Variants in CTXND2 observed in about 807,000 individuals in gnomAD.
CTXND2 encodes the protein cortexin domain containing 2.
chr1:150,904,090 G>A (rs587624994), intron 1 of CTXND2: 2 of 664,838 alleles, frequency 3.0e-6, no homozygotes, highest in African/African-American at 3.6e-5. Context: ...AGGATACGCT[G>A]ATGGAGTATT....
Position 150,899,053 on chromosome 1 carries a change from A to G in CTXND2, c.-74+11740A>G, listed in dbSNP as rs587747181. On this transcript the variant is annotated intron_variant, in intron 1 of 1. Transcript: ENST00000636087. ...GGGGAGCTTGCAGTGAGCTGAGATC[A>G]CGCCACTGCACTCCAGCCTGGGCGA... Among the ~76,000 whole-genome samples, 113 of 150,982 alleles carry G rather than the reference A, an allele frequency of 7.5e-4. 1 individual carries two copies. In the South Asian group the frequency reaches 0.022, roughly 30 times the overall value.
At chr1:150,900,799 C>A (rs1324153602) in intron 1 of CTXND2, among the ~76,000 whole-genome samples, 2 of 152,056 alleles carry the variant, frequency 1.3e-5, no homozygotes, top group Non-Finnish European at 2.9e-5. Context: ...AGACAAAATA[C>A]ATGAACAGAC....
chr1:150,911,748 T>C lies in CTXND2; in HGVS notation c.-73-494T>C, dbSNP rs587732914. On this transcript the variant is annotated intron_variant, in intron 1 of 1. Transcript: ENST00000636087. ...ATGCCCGGCCTGTAAGTTTTAATAA[T>C]TGAAATTGATCACTTCTGGGATATA... Among the ~76,000 whole-genome samples the C allele has an allele frequency of 1.9e-4, 29 of 152,290 alleles. No homozygotes were observed. In the South Asian group the frequency reaches 5.4e-3, roughly 28 times the overall value.
intron 1 of CTXND2, among the ~76,000 whole-genome samples, chr1:150,898,153 G>GTT (rs34573516): frequency 2.5e-3 from 365 of 147,886 alleles, no homozygotes; most frequent in East Asian, 4.7e-3. Context: ...TAGATGTGGG[G>GTT]TTTTTTTTTT....
intron 1 of CTXND2, among the ~76,000 whole-genome samples, chr1:150,891,488 C>T (rs1297514457): frequency 1.3e-5 from 2 of 152,232 alleles, no homozygotes; most frequent in East Asian, 3.8e-4. Flanking sequence ...GCTGGGATTA[C>T]AGGCGTGAGC....
rs1041223670 is a variant in CTXND2 at position 150,903,921 on chromosome 1, A to C, written c.-73-8321A>C. 6.2e-6 allele frequency: 4 copies of C among 643,378 alleles called. No homozygotes were observed. In the African/African-American group the frequency reaches 7.2e-5, roughly 12 times the overall value. 39.9% of individuals were successfully genotyped at this position (643,378 alleles called of 1,614,324 possible). ...ATGGGTGATGTTGAGAAAGGCAAGA[A>C]GATTTTTGTTCAGAAGTGTGCCCAG... On this transcript the variant is annotated intron_variant, in intron 1 of 1. Transcript: ENST00000636087.
chr1:150,887,416 G>C (rs922891621), intron 1 of CTXND2, 103 bp downstream of exon 1: 2 of 151,810 alleles, frequency 1.3e-5, no homozygotes, highest in Non-Finnish European at 2.9e-5. Flanking sequence ...TTGGGAAATC[G>C]TGGGGAAATG....
At chr1:150,901,907 CAG>C (rs1230535360) in intron 1 of CTXND2, among the ~76,000 whole-genome samples, 1 of 149,756 alleles carries the variant, frequency 6.7e-6, no homozygotes, top group Non-Finnish European at 1.5e-5. Context: ...GCCTGGGCGA[CAG>C]AGTGAGATTC....
At chr1:150,890,404 CCT>C (rs1491425878) in intron 1 of CTXND2, among the ~76,000 whole-genome samples, 1 of 152,154 alleles carries the variant, frequency 6.6e-6, no homozygotes, top group Non-Finnish European at 1.5e-5. Flanking sequence ...GTGCCCAGCC[CCT>C]GTCACACAAG....
At chr1:150,887,934 T>G (rs1470594263) in intron 1 of CTXND2, among the ~76,000 whole-genome samples, 2 of 151,954 alleles carry the variant, frequency 1.3e-5, no homozygotes, top group African/African-American at 4.8e-5. Flanking sequence ...GTAAATGCCA[T>G]TATTCTGATT....
At chr1:150,897,447 C>T (rs190929300) in intron 1 of CTXND2, among the ~76,000 whole-genome samples, 39 of 152,324 alleles carry the variant, frequency 2.6e-4, no homozygotes, top group Non-Finnish European at 4.6e-4. Context: ...GCATCAGCCT[C>T]CCAAGTAGCT....
At chr1:150,908,161 TCTAA>T (rs1025234107) in intron 1 of CTXND2, among the ~76,000 whole-genome samples, 3 of 151,802 alleles carry the variant, frequency 2.0e-5, no homozygotes, top group Admixed American at 2.0e-4. Flanking sequence ...CGCCATCACA[TCTAA>T]CTAATTTTTG....
intron 1 of CTXND2, among the ~76,000 whole-genome samples, chr1:150,890,331 C>T (rs1362593219): frequency 6.7e-6 from 1 of 149,552 alleles, no homozygotes; most frequent in East Asian, 1.9e-4. Context: ...AGATTTGGCT[C>T]AAGGTAAAAA....
At chr1:150,900,118 A>G (rs755249883) in intron 1 of CTXND2, among the ~76,000 whole-genome samples, 1 of 152,078 alleles carries the variant, frequency 6.6e-6, no homozygotes, top group African/African-American at 2.4e-5. Context: ...CACCGTGTGG[A>G]GGCTGTATTC....
At position 150,908,284 on chromosome 1, in the gene CTXND2, G is replaced by A. The variant is rs188180441; in HGVS notation, c.-73-3958G>A. On this transcript the variant is annotated intron_variant, in intron 1 of 1. Coordinates refer to ENST00000636087, the Ensembl canonical transcript of CTXND2. ...GCTGCCCAAAGTGCTGGGATTATAG[G>A]CGTGAGCCACCATACCTGGCCAGTA... 1.4e-4 allele frequency among the ~76,000 whole-genome samples: 21 copies of A among 152,276 alleles called. No homozygotes were observed. The East Asian group carries it at 3.5e-3, about 25-fold the overall frequency.
chr1:150,899,075 G>C (rs1191050046), intron 1 of CTXND2, among the ~76,000 whole-genome samples: 1 of 150,740 alleles, frequency 6.6e-6, no homozygotes, highest in East Asian at 1.9e-4. Context: ...TCCAGCCTGG[G>C]CGACAGAGCA....
intron 1 of CTXND2, among the ~76,000 whole-genome samples, chr1:150,898,629 G>A (rs1326555223): frequency 1.3e-5 from 2 of 151,382 alleles, no homozygotes; most frequent in Non-Finnish European, 2.9e-5. Flanking sequence ...GGTGGTGCCC[G>A]CCTGTAGTCC....
intron 1 of CTXND2, among the ~76,000 whole-genome samples, chr1:150,893,398 G>A (rs952493562): frequency 1.3e-5 from 2 of 151,896 alleles, no homozygotes; most frequent in African/African-American, 4.8e-5. Context: ...TTTTTGTCTG[G>A]TTCCTGATTT....
chr1:150,903,271 T>C (rs1163093773), intron 1 of CTXND2, among the ~76,000 whole-genome samples: 1 of 151,488 alleles, frequency 6.6e-6, no homozygotes, highest in Non-Finnish European at 1.5e-5. Context: ...TATTGAGGGG[T>C]GGGGGTTGCG....
Sources: allele counts gnomAD v4.1 joint callset (sites outside exome capture counted in the v4.1 genomes callset), GRCh38; gene constraint gnomAD v4.1.1; transcripts MANE v1.5; gene names NCBI Gene and HGNC (gene_info 2026-07-23, HGNC 2026-07-21).